RYR2: variants seen among roughly 807,000 people sequenced by gnomAD.
RYR2 encodes the protein ryanodine receptor 2.
Under a neutral mutation model 601.1 loss-of-function variants are expected in RYR2, and 227 were observed. The ratio of observed to expected loss-of-function variants is 0.38; its 90% confidence interval spans 0.34 to 0.42. The LOEUF is 0.42. Among genes scored for constraint, RYR2 ranks in the 10% least tolerant of loss-of-function variants. The probability of loss-of-function intolerance (pLI) is 1.00; values close to 1 mark genes in which losing one functional copy is unlikely to be tolerated. For synonymous variants in RYR2, 2,223 were observed against 2,175.1 expected (o/e 1.02, Z -0.61); for missense variants, 4,646 against 6,156.5 (o/e 0.75, Z 8.21).
At chr1:237,438,274 G>T (rs1707588318) in intron 12 of RYR2, among the ~76,000 whole-genome samples, 1 of 151,994 alleles carries the variant, frequency 6.6e-6, no homozygotes, top group African/African-American at 2.4e-5. Context: ...TGTAGGATCT[G>T]GGCCATCTTT....
intron 2 of RYR2, among the ~76,000 whole-genome samples, chr1:237,325,120 T>C (rs1366686247): frequency 6.6e-6 from 1 of 151,834 alleles, no homozygotes; most frequent in East Asian, 1.9e-4. Flanking sequence ...TGAGGTAGAG[T>C]GGGATCCAAG....
chr1:237,412,758 G>A (rs1328451265), intron 10 of RYR2, among the ~76,000 whole-genome samples: 1 of 152,088 alleles, frequency 6.6e-6, no homozygotes, highest in East Asian at 1.9e-4. Flanking sequence ...ACCTCAAAAG[G>A]TGCTGTTGCT....
chr1:237,420,478 A>G (rs1705447196), intron 11 of RYR2, among the ~76,000 whole-genome samples: 1 of 152,104 alleles, frequency 6.6e-6, no homozygotes, highest in Non-Finnish European at 1.5e-5. Flanking sequence ...CTCCATTACT[A>G]TTGCCAATTT....
Position 237,801,657 on chromosome 1 carries a change from TAAG to T in RYR2, c.14091-196_14091-194del, listed in dbSNP as rs1659986100. On this transcript the variant is annotated intron_variant, in intron 97 of 104. Coordinates refer to ENST00000366574, the MANE Select transcript of RYR2 (RefSeq NM_001035.3). ...TGATGTTTTGTTTTCCAAGATCCTC[TAAG>T]AACACATCATGAAACTCTAGGATAC... 3.9e-5 allele frequency among the ~76,000 whole-genome samples: 6 copies of T among 152,274 alleles called. No homozygotes were observed. The South Asian group carries it at 1.0e-3, about 26-fold the overall frequency.
At chr1:237,611,039 C>T in intron 36 of RYR2, 51 bp downstream of exon 36, 1 of 1,523,008 alleles carries the variant, frequency 6.6e-7, no homozygotes, top group Admixed American at 1.9e-5. Flanking sequence ...TGGGATTAGC[C>T]TGCTGCCCGG....
At chr1:237,192,416 T>C (rs1174991196) in intron 1 of RYR2, among the ~76,000 whole-genome samples, 2 of 152,188 alleles carry the variant, frequency 1.3e-5, no homozygotes, top group Non-Finnish European at 1.5e-5. Flanking sequence ...GGTTTCACCA[T>C]GTTGGCCAGG....
intron 1 of RYR2, among the ~76,000 whole-genome samples, chr1:237,193,247 C>T (rs1401934779): frequency 6.6e-6 from 1 of 150,650 alleles, no homozygotes; most frequent in African/African-American, 2.4e-5. Context: ...GGGTGGATCA[C>T]GAGGTCAGGA....
At chr1:237,386,608 G>T (rs1572089244) in intron 8 of RYR2, among the ~76,000 whole-genome samples, 1 of 152,124 alleles carries the variant, frequency 6.6e-6, no homozygotes, top group African/African-American at 2.4e-5. Flanking sequence ...AAGTAATTTT[G>T]TTTTTCTTAG....
At chr1:237,121,970 A>G (rs551845312) in intron 1 of RYR2, among the ~76,000 whole-genome samples, 2 of 152,346 alleles carry the variant, frequency 1.3e-5, no homozygotes, top group African/African-American at 4.8e-5. Flanking sequence ...TCAGTGGCTG[A>G]TTCCTGAAAA....
At chr1:237,417,246 GA>G (rs1705102143) in intron 11 of RYR2, 123 bp downstream of exon 11, 1 of 682,794 alleles carries the variant, frequency 1.5e-6, no homozygotes, top group East Asian at 2.7e-5. Flanking sequence ...GAAACACCGA[GA>G]AAGTGGTGGA....
At chr1:237,171,020 G>T (rs1287954213) in intron 1 of RYR2, among the ~76,000 whole-genome samples, 1 of 152,020 alleles carries the variant, frequency 6.6e-6, no homozygotes, top group African/African-American at 2.4e-5. Flanking sequence ...TCCCCATGAG[G>T]TCGGGAGATC....
chr1:237,472,669 A>G lies in RYR2; in HGVS notation c.1708+3482A>G, dbSNP rs114424157. 6.7e-3 allele frequency among the ~76,000 whole-genome samples: 899 copies of G among 134,778 alleles called. 9 individuals are homozygous for G. The highest frequency in any genetic ancestry group is 0.022 in the African/African-American group (854 of 38,946). 88.4% of individuals were successfully genotyped at this position (134,778 alleles called of 152,430 possible). A position where few individuals can be genotyped will look rare whatever the true frequency, so the allele number is the denominator to read the frequency against. ...AAAATTCATTTTTAGAATGTGTGAT[A>G]GGATATATTTTTGTAAAAAAAAAAA... On this transcript the variant is annotated intron_variant, in intron 17 of 104. Coordinates refer to ENST00000366574, the MANE Select transcript of RYR2 (RefSeq NM_001035.3).
At chr1:237,247,508 G>A (rs531994557) in intron 1 of RYR2, among the ~76,000 whole-genome samples, 2 of 152,182 alleles carry the variant, frequency 1.3e-5, no homozygotes, top group Admixed American at 1.3e-4. Context: ...GGACCTGAAA[G>A]GTGCTGGTGG....
At chr1:237,514,498 T>G (rs1040819237) in intron 24 of RYR2, among the ~76,000 whole-genome samples, 1 of 152,240 alleles carries the variant, frequency 6.6e-6, no homozygotes, top group Admixed American at 6.5e-5. Context: ...TATGGTTTTA[T>G]GATGGACTGA....
intron 1 of RYR2, among the ~76,000 whole-genome samples, chr1:237,073,463 G>A (rs1664631199): frequency 6.6e-6 from 1 of 152,174 alleles, no homozygotes. Flanking sequence ...CTGGCCATGT[G>A]TGGCTGTTGA....
At chr1:237,337,486 A>T (rs1250565970) in intron 3 of RYR2, among the ~76,000 whole-genome samples, 1 of 152,204 alleles carries the variant, frequency 6.6e-6, no homozygotes, top group Non-Finnish European at 1.5e-5. Flanking sequence ...GTTAAAGCTC[A>T]TAGATTATAG....
At chr1:237,631,929 A>T (rs137892095) in intron 42 of RYR2, among the ~76,000 whole-genome samples, 17 of 151,904 alleles carry the variant, frequency 1.1e-4, no homozygotes, top group Admixed American at 1.1e-3. Context: ...CACCGCGCCC[A>T]GCCCAGATTG....
chr1:237,168,187 G>C (rs181864075), intron 1 of RYR2, among the ~76,000 whole-genome samples: 1 of 152,176 alleles, frequency 6.6e-6, no homozygotes, highest in African/African-American at 2.4e-5. Context: ...CAGCTGTAGA[G>C]TGGAGGACAA....
At chr1:237,431,651 A>G (rs1706815547) in intron 12 of RYR2, among the ~76,000 whole-genome samples, 2 of 152,050 alleles carry the variant, frequency 1.3e-5, no homozygotes, top group East Asian at 3.8e-4. Context: ...ATATTTCTAT[A>G]TATTGCTGAC....
Sources: gnomAD v4.1 joint callset for allele counts (sites outside exome capture counted in the v4.1 genomes callset) on GRCh38, gnomAD v4.1.1 for gene constraint, MANE v1.5 for transcripts, NCBI Gene and HGNC (gene_info 2026-07-23, HGNC 2026-07-21) for gene names.